GTF3A: variants seen among roughly 807,000 people sequenced by gnomAD.
GTF3A encodes transcription factor IIIA.
In GTF3A, 40 loss-of-function variants were observed where a neutral mutation model predicts 37.6. The observed-to-expected ratio is 1.06, with a 90% CI of 0.83 to 1.38. The LOEUF (loss-of-function observed/expected upper bound fraction) is 1.38. Ranked by LOEUF, GTF3A falls within the 40% of genes most tolerant of loss-of-function variation. The pLI is 0.00. For missense variants in GTF3A, 500 were observed against 462.6 expected (o/e 1.08, Z -0.74); for synonymous variants, 191 against 166.7 (o/e 1.15, Z -1.12).
At chr13:27,432,311 A>AC (rs1345706872) in intron 4 of GTF3A, among the ~76,000 whole-genome samples, 3 of 152,046 alleles carry the variant, frequency 2.0e-5, no homozygotes, top group Non-Finnish European at 4.4e-5. Flanking sequence ...TTTATTGCTC[A>AC]CCAGAGGCAG....
chr13:27,432,916 C>A, intron 5 of GTF3A, 112 bp downstream of exon 5: 1 of 833,628 alleles, frequency 1.2e-6, no homozygotes, highest in Non-Finnish European at 2.0e-6. Context: ...CAGGGGACAC[C>A]ATCCTGCTTA....
In GTF3A at chr13:27,435,629, A is replaced by C. The variant is rs766401792; in HGVS notation, c.*32A>C. 6.8e-6 allele frequency: 11 copies of C among 1,612,090 alleles called. No homozygotes were observed. The South Asian group carries it at 1.2e-4, about 18-fold the overall frequency. On this transcript the variant is annotated 3_prime_UTR_variant, in exon 9 of 9. Coordinates refer to ENST00000381140, the MANE Select transcript of GTF3A (RefSeq NM_002097.3). ...CACTGCTTTGTTTAAAGGACTGCAG[A>C]CCAAGGAGCGAGCTTTCTCTCAGAG...
intron 4 of GTF3A, among the ~76,000 whole-genome samples, chr13:27,432,310 C>T (rs1468081502): frequency 6.6e-6 from 1 of 152,150 alleles, no homozygotes; most frequent in Non-Finnish European, 1.5e-5. Context: ...TTTTATTGCT[C>T]ACCAGAGGCA....
intron 4 of GTF3A, 113 bp from the exon 5 acceptor site, chr13:27,432,618 G>T: frequency 1.2e-6 from 1 of 812,594 alleles, no homozygotes. Context: ...CATGGGTTTG[G>T]TTATGGGAAG....
rs542877679 is a variant in GTF3A, at chr13:27,427,101, G to A, written c.211G>A (p.Val71Ile). The A allele has an allele frequency of 1.9e-6, 3 of 1,566,522 alleles. No individual in the cohort carries two copies. The highest frequency in any genetic ancestry group is 1.7e-5 in the Admixed American group (1 of 59,744). The change falls in exon 2 of 9, where the codon GTT becomes ATT. Residue 71 changes from valine to isoleucine, a missense_variant. Coordinates refer to ENST00000381140, the MANE Select transcript of GTF3A (RefSeq NM_002097.3). ...TCTTTTTTCCTGCTAGAGACCATTT[G>A]TTTGTGACTATGAAGGGTGTGGCAA... is the stretch of plus-strand genomic sequence containing the variant.
At chr13:27,433,545 T>G (rs1005545441) in intron 5 of GTF3A, among the ~76,000 whole-genome samples, 2 of 150,882 alleles carry the variant, frequency 1.3e-5, no homozygotes, top group Admixed American at 6.6e-5. Flanking sequence ...AACTTTTTTT[T>G]TTTTTTTTGT....
rs188074983 is a variant in GTF3A at position 27,429,961 on chromosome 13, T to C, written c.394T>C (p.Tyr132His). 3.1e-3 allele frequency: 4,588 copies of C among 1,465,300 alleles called. 9 individuals are homozygous for C. Among genetic ancestry groups the C allele is most frequent in the Non-Finnish European group, 4.0e-3 (4,320 of 1,082,740 alleles). 90.8% of individuals were successfully genotyped at this position (1,465,300 alleles called of 1,614,324 possible). Residue 132 changes from tyrosine (Y) to histidine (H), a missense_variant, in exon 3 of 9, where the codon TAT becomes CAT. Physicochemically the swap from Tyr to His is moderately conservative, Grantham distance 83. Transcript: ENST00000381140. Reference sequence around the variant, plus strand: ...CAAACATGAAAATCAACAAAAACAATATATAGTAAGTATGATTTTATATGC... The same window carrying C: ...CAAACATGAAAATCAACAAAAACAACATATAGTAAGTATGATTTTATATGC...
chr13:27,430,397 A>T, intron 3 of GTF3A, 136 bp from the exon 4 acceptor site: 1 of 590,668 alleles, frequency 1.7e-6, no homozygotes, highest in Non-Finnish European at 3.0e-6. Context: ...ATAAAGCAGA[A>T]TTTTACAGTA....
chr13:27,424,667 C>T lies in GTF3A; in HGVS notation c.-71C>T, dbSNP rs1953585256. The T allele has an allele frequency of 1.7e-6, 2 of 1,153,552 alleles. No individual in the cohort carries two copies. Among genetic ancestry groups the T allele is most frequent in the African/African-American group, 1.6e-5 (1 of 61,154 alleles). 71.5% of individuals were successfully genotyped at this position (1,153,552 alleles called of 1,614,324 possible). On this transcript the variant is annotated 5_prime_UTR_variant, in exon 1 of 9. Coordinates refer to ENST00000381140, the MANE Select transcript of GTF3A (RefSeq NM_002097.3). ...GTTCAGCAGGGAGCCGTGGGCCGGG[C>T]GCGCCGGTTCCCGGCACGTGTCTCG... is the stretch of plus-strand genomic sequence containing the variant.
rs73438718 is a variant in GTF3A at position 27,435,333 on chromosome 13, A to G, written c.934-100A>G. 9.0e-4 allele frequency: 1,190 copies of G among 1,326,756 alleles called. 12 individuals are homozygous for G. In the African/African-American group the frequency reaches 0.015, roughly 17 times the overall value. 82.2% of individuals were successfully genotyped at this position (1,326,756 alleles called of 1,614,324 possible). A position where few individuals can be genotyped will look rare whatever the true frequency, so the allele number is the denominator to read the frequency against. On this transcript the variant is annotated intron_variant, in intron 8 of 8. Coordinates refer to ENST00000381140, the MANE Select transcript of GTF3A (RefSeq NM_002097.3). ...GAAGACTTTACTTCCTCATAAAGCA[A>G]TGTTGTACACTATATCTGCTGGTAC... is the stretch of plus-strand genomic sequence containing the variant.
Position 27,424,640 on chromosome 13 carries a change from A to T in GTF3A, c.-98A>T. 1 of 818,544 alleles carries T rather than the reference A, an allele frequency of 1.2e-6. No homozygotes were observed. The highest frequency in any genetic ancestry group is 1.6e-6 in the Non-Finnish European group (1 of 606,214). 50.7% of individuals were successfully genotyped at this position (818,544 alleles called of 1,614,324 possible). On this transcript the variant is annotated 5_prime_UTR_variant, in exon 1 of 9. The change creates a new upstream start codon in the 5' untranslated region. Coordinates refer to ENST00000381140, the MANE Select transcript of GTF3A (RefSeq NM_002097.3). ...CCGGAAGTGTGCCGGCGTCGCGCGA[A>T]GGTTCAGCAGGGAGCCGTGGGCCGG...
rs1049350021 is a variant in GTF3A at position 27,424,831 on chromosome 13, C to A, written c.94C>A (p.Pro32Thr). Reference sequence around the variant, plus strand: ...CGGCGAGAGCTCAGCTCCGACCCCGCCGCGCCCCGCGCTTCCCAGGAGGTT... The same window carrying A: ...CGGCGAGAGCTCAGCTCCGACCCCGACGCGCCCCGCGCTTCCCAGGAGGTT... Residue 32 changes from proline (P) to threonine (T), a missense_variant, in exon 1 of 9, where the codon CCG (proline) becomes ACG (threonine). Physicochemically the swap from Pro to Thr is conservative, Grantham distance 38. Coordinates refer to ENST00000381140, the MANE Select transcript of GTF3A (RefSeq NM_002097.3). 4 of 1,550,970 alleles carry A rather than the reference C, an allele frequency of 2.6e-6. No homozygotes were observed. The highest frequency in any genetic ancestry group is 2.0e-5 in the Admixed American group (1 of 51,004).
In GTF3A at chr13:27,424,733, G is replaced by A; in HGVS notation, c.-5G>A. 6.9e-7 allele frequency: 1 copy of A among 1,445,938 alleles called. No individual in the cohort carries two copies. Among genetic ancestry groups the A allele is most frequent in the Non-Finnish European group, 9.1e-7 (1 of 1,102,732 alleles). 89.6% of individuals were successfully genotyped at this position (1,445,938 alleles called of 1,614,324 possible). ...CCTGGCCCTGGGCTTGGAGGCGCCG[G>A]CGCCCTGGATCCGCCGGCCGTGGTC... On this transcript the variant is annotated 5_prime_UTR_variant, in exon 1 of 9. Coordinates refer to ENST00000381140, the MANE Select transcript of GTF3A (RefSeq NM_002097.3).
chr13:27,431,307 G>T (rs1479494891), intron 4 of GTF3A, among the ~76,000 whole-genome samples: 1 of 152,170 alleles, frequency 6.6e-6, no homozygotes, highest in East Asian at 1.9e-4. Flanking sequence ...CAAAGGAAAA[G>T]AAGTCACTAT....
chr13:27,430,759 C>T, intron 4 of GTF3A, 138 bp downstream of exon 4: 1 of 615,480 alleles, frequency 1.6e-6, no homozygotes. Flanking sequence ...ATATCCTTTG[C>T]CCACTTTTCG....
chr13:27,434,104 A>G (rs1463611945), intron 5 of GTF3A, 35 bp from the exon 6 acceptor site: 7 of 827,790 alleles, frequency 8.5e-6, no homozygotes, highest in Non-Finnish European at 1.5e-5. Flanking sequence ...TACACTGAGT[A>G]TTCATGACAG....
rs1465319973 is a variant in GTF3A at position 27,424,822 on chromosome 13, C to G, written c.85C>G (p.Pro29Ala). 28 of 1,550,698 alleles carry G rather than the reference C, an allele frequency of 1.8e-5. No individual in the cohort carries two copies. Among genetic ancestry groups the G allele is most frequent in the Non-Finnish European group, 2.4e-5 (27 of 1,146,888 alleles). ...CATTGCAGCCGGCGAGAGCTCAGCT[C>G]CGACCCCGCCGCGCCCCGCGCTTCC... The change falls in exon 1 of 9, where the codon CCG (proline) becomes GCG (alanine). Residue 29 changes from proline (P) to alanine (A), a missense_variant. Pro to Ala is a conservative substitution (Grantham distance 27). Coordinates refer to ENST00000381140, the MANE Select transcript of GTF3A (RefSeq NM_002097.3).
intron 8 of GTF3A, 102 bp from the exon 9 acceptor site, chr13:27,435,331 C>A: frequency 1.5e-6 from 2 of 1,307,682 alleles, no homozygotes; most frequent in Non-Finnish European, 2.1e-6. Context: ...CCTCATAAAG[C>A]AATGTTGTAC....
At position 27,435,728 on chromosome 13, in the gene GTF3A, T is replaced by G; in HGVS notation, c.*131T>G. On this transcript the variant is annotated 3_prime_UTR_variant, in exon 9 of 9. Transcript: ENST00000381140. ...TCATTTCCATGGTCTTTGTTCAAAG[T>G]GTCTCTTTCCTGGGTCTCTTGAGTT... 6.2e-7 allele frequency: 1 copy of G among 1,614,166 alleles called. No homozygotes were observed. Among genetic ancestry groups the G allele is most frequent in the Non-Finnish European group, 8.5e-7 (1 of 1,179,994 alleles).
Sources: allele counts gnomAD v4.1 joint callset (sites outside exome capture counted in the v4.1 genomes callset), GRCh38; gene constraint gnomAD v4.1.1; transcripts MANE v1.5; gene names NCBI Gene and HGNC (gene_info 2026-07-23, HGNC 2026-07-21).